The following ARHGAP24 variants were observed in gnomAD, a reference collection of about 807,000 sequenced individuals.
The protein encoded by ARHGAP24 is Rho GTPase activating protein 24.
In ARHGAP24, 50 loss-of-function variants were observed where a neutral mutation model predicts 76.4. That is an observed-to-expected ratio of 0.65 (90% CI 0.52 to 0.83). ARHGAP24 has a LOEUF of 0.83. Among genes scored for constraint, ARHGAP24 ranks in the 40% least tolerant of loss-of-function variants. The pLI, the probability that ARHGAP24 is intolerant of heterozygous loss-of-function variation, is 0.00. For missense variants in ARHGAP24, 930 were observed against 914.2 expected, an observed-to-expected ratio of 1.02 and a Z score of -0.22; for synonymous variants, 345 against 323.3, an observed-to-expected ratio of 1.07 and a Z score of -0.72.
chr4:85,991,940 G>GT (rs921323037), intron 8 of ARHGAP24: 76 of 386,492 alleles, frequency 2.0e-4, no homozygotes, highest in Middle Eastern at 6.6e-4. Context: ...AAGTCCCTAG[G>GT]TTTTTTTTAA....
At chr4:85,886,258 T>C (rs1041953361) in intron 3 of ARHGAP24, among the ~76,000 whole-genome samples, 2 of 152,154 alleles carry the variant, frequency 1.3e-5, no homozygotes, top group African/African-American at 4.8e-5. Context: ...GCAGGACAAT[T>C]ATATAATCAT....
At chr4:85,877,547 C>T (rs1578334331) in intron 3 of ARHGAP24, among the ~76,000 whole-genome samples, 2 of 35,936 alleles carry the variant, frequency 5.6e-5, no homozygotes, top group South Asian at 2.2e-3. Context: ...ATCTTTTGAG[C>T]CCAGGCGTTC....
At chr4:85,674,027 C>T (rs1440181848) in intron 2 of ARHGAP24, among the ~76,000 whole-genome samples, 4 of 152,146 alleles carry the variant, frequency 2.6e-5, no homozygotes, top group Non-Finnish European at 1.5e-5. Context: ...ATGTCTTACA[C>T]TAGCCTGGGC....
intron 2 of ARHGAP24, among the ~76,000 whole-genome samples, chr4:85,630,409 G>A (rs1721121715): frequency 6.6e-6 from 1 of 152,184 alleles, no homozygotes; most frequent in South Asian, 2.1e-4. Context: ...GCATTTCTGT[G>A]ATTATTCATG....
At chr4:85,985,786 C>A (rs1002470599) in intron 8 of ARHGAP24, among the ~76,000 whole-genome samples, 1 of 152,142 alleles carries the variant, frequency 6.6e-6, no homozygotes, top group Non-Finnish European at 1.5e-5. Flanking sequence ...ATTTGCTGTG[C>A]ATTTTATACA....
chr4:85,822,879 A>G (rs563311964), intron 3 of ARHGAP24, among the ~76,000 whole-genome samples: 3 of 152,302 alleles, frequency 2.0e-5, no homozygotes, highest in African/African-American at 7.2e-5. Flanking sequence ...AAAGTACACT[A>G]TATTTCCTTA....
In ARHGAP24 at chr4:85,542,160, C is replaced by T. The variant is rs1181744574; in HGVS notation, c.-20-28362C>T. On this transcript the variant is annotated intron_variant, in intron 1 of 9. Coordinates refer to ENST00000395184, the MANE Select transcript of ARHGAP24 (RefSeq NM_001025616.3). ...GTGTTAGTGGGGTGCAGTCCACTCT[C>T]CTCAATGCTTAATTTAATGAATTAT... is the stretch of plus-strand genomic sequence containing the variant. 2.6e-5 allele frequency among the ~76,000 whole-genome samples: 4 copies of T among 152,224 alleles called. No homozygotes were observed. In the East Asian group the frequency reaches 7.7e-4, roughly 29 times the overall value.
chr4:85,625,241 G>A (rs28806251), intron 2 of ARHGAP24, among the ~76,000 whole-genome samples: 5 of 151,976 alleles, frequency 3.3e-5, no homozygotes, highest in African/African-American at 9.7e-5. Context: ...ATACTGCTTT[G>A]AATGTGTCCC....
chr4:85,528,051 T>TA (rs1156441749), intron 1 of ARHGAP24, among the ~76,000 whole-genome samples: 3 of 152,074 alleles, frequency 2.0e-5, no homozygotes, highest in Non-Finnish European at 4.4e-5. Flanking sequence ...AGTGCTACAA[T>TA]AGCAGTGTTA....
At chr4:85,898,514 A>G (rs1227282463) in intron 3 of ARHGAP24, among the ~76,000 whole-genome samples, 1 of 152,204 alleles carries the variant, frequency 6.6e-6, no homozygotes, top group Non-Finnish European at 1.5e-5. Context: ...TCTAGGATAC[A>G]TTTATTTTAA....
At chr4:85,703,389 T>G (rs1453931117) in intron 2 of ARHGAP24, among the ~76,000 whole-genome samples, 2 of 152,118 alleles carry the variant, frequency 1.3e-5, no homozygotes, top group Admixed American at 1.3e-4. Context: ...TTACGTTGAC[T>G]TGGCTGGCAG....
chr4:85,871,840 T>C (rs1452684), intron 3 of ARHGAP24, among the ~76,000 whole-genome samples: 146,271 of 152,120 alleles, frequency 0.96, 70,600 homozygotes, highest in East Asian at 1. Context: ...AACAAAGAAA[T>C]ATATTATATT....
At chr4:85,743,940 C>T (rs1474969577) in intron 3 of ARHGAP24, among the ~76,000 whole-genome samples, 1 of 152,018 alleles carries the variant, frequency 6.6e-6, no homozygotes, top group Non-Finnish European at 1.5e-5. Context: ...TTATTTAATT[C>T]CTAGCATCTT....
chr4:85,691,032 T>C (rs1475691136), intron 2 of ARHGAP24, among the ~76,000 whole-genome samples: 4 of 152,180 alleles, frequency 2.6e-5, no homozygotes, highest in Admixed American at 2.6e-4. Context: ...CCAGAGATTT[T>C]GGTAAGTTGC....
chr4:85,478,643 G>GT (rs1016814728), intron 1 of ARHGAP24, among the ~76,000 whole-genome samples: 1 of 152,118 alleles, frequency 6.6e-6, no homozygotes, highest in Non-Finnish European at 1.5e-5. Context: ...CTTTAGTATA[G>GT]TTTCTAAAAG....
At chr4:85,555,190 A>C (rs1260643180) in intron 1 of ARHGAP24, among the ~76,000 whole-genome samples, 1 of 152,212 alleles carries the variant, frequency 6.6e-6, no homozygotes, top group African/African-American at 2.4e-5. Flanking sequence ...TGAGGAAATC[A>C]GACACTCTGG....
intron 8 of ARHGAP24, chr4:85,992,289 C>T: frequency 5.1e-6 from 2 of 391,808 alleles, no homozygotes; most frequent in Non-Finnish European, 9.0e-6. Flanking sequence ...AGTCTCTTTA[C>T]AAGGGGCTAT....
At chr4:85,714,082 A>G (rs2110036861) in intron 2 of ARHGAP24, among the ~76,000 whole-genome samples, 2 of 152,216 alleles carry the variant, frequency 1.3e-5, no homozygotes, top group South Asian at 4.2e-4. Flanking sequence ...CCTCCAATGA[A>G]TCAAAACATG....
At chr4:85,994,418 C>T (rs1157164222) in intron 8 of ARHGAP24, among the ~76,000 whole-genome samples, 165 bp from the exon 9 acceptor site, 1 of 152,024 alleles carries the variant, frequency 6.6e-6, no homozygotes, top group African/African-American at 2.4e-5. Flanking sequence ...AGTAAATGCT[C>T]AAGATGTTTT....
Sources: gnomAD v4.1 joint callset for allele counts (sites outside exome capture counted in the v4.1 genomes callset) on GRCh38, gnomAD v4.1.1 for gene constraint, MANE v1.5 for transcripts, NCBI Gene and HGNC (gene_info 2026-07-23, HGNC 2026-07-21) for gene names.